MYOM2: variants seen among roughly 807,000 people sequenced by gnomAD.
MYOM2 encodes the protein myomesin-2.
MYOM2 carries 254 observed loss-of-function variants against 187.6 expected under a neutral mutation model. The observed-to-expected ratio is 1.35, with a 90% confidence interval of 1.22 to 1.50. The LOEUF is 1.50. Among genes scored for constraint, MYOM2 ranks in the 40% most tolerant of loss-of-function variants. The pLI is 0.00. For missense variants in MYOM2, 2,796 were observed against 1,924.0 expected (o/e 1.45, Z -8.48); for synonymous variants, 981 against 753.8 (o/e 1.30, Z -4.94).
chr8:2,093,847 A>T, intron 16 of MYOM2, 123 bp from the exon 17 acceptor site: 6 of 1,155,864 alleles, frequency 5.2e-6, no homozygotes, highest in Non-Finnish European at 7.4e-6. Context: ...CTAGAATTGA[A>T]AATGAAGGAT....
intron 13 of MYOM2, among the ~76,000 whole-genome samples, chr8:2,079,890 C>G (rs1161654267): frequency 1.3e-5 from 2 of 152,196 alleles, no homozygotes; most frequent in African/African-American, 4.8e-5. Flanking sequence ...CTTTCAGGGA[C>G]TTGTAGAGAA....
At chr8:2,057,558 G>A (rs3765208) in intron 4 of MYOM2, 65 bp from the exon 5 acceptor site, 553,509 of 1,611,646 alleles carry the variant, frequency 0.34, 97,611 homozygotes, top group East Asian at 0.53. Context: ...CATGGTGCTT[G>A]AGGGGCCGAG....
At chr8:2,064,140 C>T (rs62480512) in intron 6 of MYOM2, among the ~76,000 whole-genome samples, 46,272 of 152,158 alleles carry the variant, frequency 0.3, 8,557 homozygotes, top group East Asian at 0.73. Context: ...GGCCGCCCTT[C>T]CTCCTGCATC....
intron 31 of MYOM2, chr8:2,128,011 T>C (rs1797716567): frequency 6.6e-6 from 1 of 152,330 alleles, no homozygotes; most frequent in South Asian, 2.1e-4. Flanking sequence ...GTTCATGTTG[T>C]TTTTTTCCCC....
chr8:2,123,232 T>G lies in MYOM2; in HGVS notation c.3454-20T>G, dbSNP rs527553777. On this transcript the variant is annotated intron_variant, in intron 28 of 36. Transcript: ENST00000262113. ...AGTCAGAATGATTTACACACTAAAC[T>G]TAAGCTTTCTACCTCACAGGTTGCA... 1 of 1,532,164 alleles carries G rather than the reference T, an allele frequency of 6.5e-7. No homozygotes were observed. Among genetic ancestry groups the G allele is most frequent in the South Asian group, 1.1e-5 (1 of 86,988 alleles). The allele number at this position is 1,532,164 out of a possible 1,614,324, so 94.9% of individuals were successfully genotyped here.
chr8:2,101,016 A>C lies in MYOM2; in HGVS notation c.2581A>C (p.Thr861Pro), dbSNP rs1428740590. The part of the protein sequence containing the change: ...FREEDAGEWI[T>P]VNQTTTASRY... ...GGAGGAGGATGCTGGAGAGTGGATCACTGTCAATCAGACGACAACAGCCAG... is the reference window on the plus strand; with the variant it reads ...GGAGGAGGATGCTGGAGAGTGGATCCCTGTCAATCAGACGACAACAGCCAG... Residue 861 changes from threonine to proline, a missense_variant, in exon 20 of 37, where the codon ACT (threonine) becomes CCT (proline). By Grantham distance (38) the Thr-to-Pro change is conservative (BLOSUM62 -1). Coordinates refer to ENST00000262113, the MANE Select transcript of MYOM2 (RefSeq NM_003970.4). The C allele has an allele frequency of 6.2e-7, 1 of 1,614,152 alleles. No individual in the cohort carries two copies. Among genetic ancestry groups the C allele is most frequent in the Non-Finnish European group, 8.5e-7 (1 of 1,180,026 alleles).
intron 24 of MYOM2, among the ~76,000 whole-genome samples, chr8:2,109,075 G>C (rs1290573985): frequency 6.6e-6 from 1 of 152,200 alleles, no homozygotes; most frequent in Non-Finnish European, 1.5e-5. Context: ...GCTAATCCGA[G>C]TGAGATCCAA....
chr8:2,080,791 C>T (rs1306895063), intron 13 of MYOM2, among the ~76,000 whole-genome samples: 1 of 152,200 alleles, frequency 6.6e-6, no homozygotes, highest in Non-Finnish European at 1.5e-5. Flanking sequence ...CCGACGAGCC[C>T]GTGTAGAATG....
intron 13 of MYOM2, chr8:2,081,977 T>A (rs1819646097): frequency 6.6e-6 from 1 of 152,238 alleles, no homozygotes; most frequent in Non-Finnish European, 1.5e-5. Context: ...CGGTTGTGAA[T>A]GTGGCAGGAT....
rs1339273011 is a variant in MYOM2 at position 2,086,196 on chromosome 8, CTGCG to C, written c.1644+809_1644+812del. Among the ~76,000 whole-genome samples the C allele has an allele frequency of 2.1e-4, 7 of 33,998 alleles. 1 individual carries two copies. The highest frequency in any genetic ancestry group is 2.8e-4 in the Admixed American group (1 of 3,584). 22.3% of individuals were successfully genotyped at this position (33,998 alleles called of 152,430 possible). On this transcript the variant is annotated intron_variant, in intron 14 of 36. Transcript: ENST00000262113. Reference sequence around the variant, plus strand: ...CTGCGTGGCCCCACTGTCATGATCTCTGCGTGGCCCCACTGTCATGATCTCTTTG... The same window carrying C: ...CTGCGTGGCCCCACTGTCATGATCTCTGGCCCCACTGTCATGATCTCTTTG...
At chr8:2,110,934 G>C (rs747296950) in intron 25 of MYOM2, among the ~76,000 whole-genome samples, 14 of 152,216 alleles carry the variant, frequency 9.2e-5, no homozygotes, top group Non-Finnish European at 1.9e-4. Flanking sequence ...ACGTGGGAGA[G>C]TCGGCTAGAA....
At chr8:2,047,658 T>C (rs1370611238) in intron 1 of MYOM2, among the ~76,000 whole-genome samples, 1 of 152,206 alleles carries the variant, frequency 6.6e-6, no homozygotes, top group South Asian at 2.1e-4. Context: ...TTGGTGGTCC[T>C]GAGCATGAAG....
At chr8:2,143,204 T>C (rs1002608865) in intron 35 of MYOM2, 197 bp from the exon 36 acceptor site, 2 of 652,714 alleles carry the variant, frequency 3.1e-6, no homozygotes, top group Non-Finnish European at 2.8e-6. Context: ...GAGTCTGTTA[T>C]CTCCTCATCT....
intron 14 of MYOM2, among the ~76,000 whole-genome samples, chr8:2,086,771 G>C (rs78705196): frequency 0.022 from 3,323 of 152,296 alleles, 121 homozygotes; most frequent in African/African-American, 0.072. Flanking sequence ...GAGGGTTCTA[G>C]CGTCTCCTTC....
At chr8:2,057,254 T>A in intron 3 of MYOM2, 94 bp from the exon 4 acceptor site, 1 of 1,437,934 alleles carries the variant, frequency 7.0e-7, no homozygotes, top group Non-Finnish European at 9.3e-7. Flanking sequence ...AAGGAAACCC[T>A]AGGGAGAGAA....
chr8:2,088,067 T>C (rs1184880359), intron 14 of MYOM2, among the ~76,000 whole-genome samples: 1 of 152,138 alleles, frequency 6.6e-6, no homozygotes, highest in Admixed American at 6.5e-5. Context: ...ATTTTATTTT[T>C]CCATTAGTTA....
intron 19 of MYOM2, among the ~76,000 whole-genome samples, chr8:2,100,098 TTCC>T (rs1233510072): frequency 0.013 from 1,413 of 111,552 alleles, 85 homozygotes; most frequent in African/African-American, 0.041. Context: ...CCTTCCTTCC[TTCC>T]TTCCTTCTTT....
chr8:2,095,841 G>A (rs1796463413), intron 17 of MYOM2, among the ~76,000 whole-genome samples: 1 of 152,154 alleles, frequency 6.6e-6, no homozygotes, highest in South Asian at 2.1e-4. Flanking sequence ...AATCGTATCT[G>A]TCATCTCTGG....
Position 2,129,232 on chromosome 8 carries a change from A to G in MYOM2, c.3800A>G (p.Lys1267Arg). The G allele has an allele frequency of 6.2e-7, 1 of 1,602,408 alleles. No homozygotes were observed. Among genetic ancestry groups the G allele is most frequent in the South Asian group, 1.1e-5 (1 of 90,752 alleles). The change falls in exon 32 of 37, where the codon AAA (lysine) becomes AGA (arginine). Residue 1267 changes from lysine to arginine, a missense_variant and splice_region_variant. Coordinates refer to ENST00000262113, the MANE Select transcript of MYOM2 (RefSeq NM_003970.4). ...GAAATGAAAGTGAACTGGTGTCACA[A>G]GTAAGTATGACAGCAGCCGATGGAG... ...TDEMKVNWCH[K>R]DAKISSSEHM...
Sources: gnomAD v4.1 joint callset for allele counts (sites outside exome capture counted in the v4.1 genomes callset) on GRCh38, gnomAD v4.1.1 for gene constraint, MANE v1.5 for transcripts, NCBI Gene and HGNC (gene_info 2026-07-23, HGNC 2026-07-21) for gene names.